The following MAP1A variants were observed in gnomAD, a reference collection of about 807,000 sequenced individuals.
The protein encoded by MAP1A is microtubule associated protein 1A, also known as microtubule-associated protein 1A.
In MAP1A, 42 loss-of-function variants were observed where a neutral mutation model predicts 185.9. That is an observed-to-expected ratio of 0.23 (90% CI 0.18 to 0.29). The LOEUF (loss-of-function observed/expected upper bound fraction) is 0.29, where lower values mean the gene tolerates loss of function less well. Among genes scored for constraint, MAP1A ranks in the 10% least tolerant of loss-of-function variants. The pLI, the probability that MAP1A is intolerant of heterozygous loss-of-function variation, is 1.00. For synonymous variants in MAP1A, 1,229 were observed against 1,335.9 expected (o/e 0.92, Z 1.74); for missense variants, 2,995 against 3,450.4 (o/e 0.87, Z 3.31).
rs989900287 is a variant in MAP1A, at chr15:43,523,799, C to T, written c.2326C>T (p.Pro776Ser). 3.1e-6 allele frequency: 5 copies of T among 1,613,954 alleles called. No individual in the cohort carries two copies. In the Admixed American group the frequency reaches 5.0e-5, roughly 16 times the overall value. The stretch of plus-strand genomic sequence containing the variant: ...ATTTCATACAAGTACATATGACCTG[C>T]CCGGGCCTGAAGGTGCTGGCCCATT... ...PRFHTSTYDL[P>S]GPEGAGPFEA... The change falls in exon 4 of 6, where the codon CCC becomes TCC. Residue 776 changes from proline to serine, a missense_variant. Coordinates refer to ENST00000300231, the MANE Select transcript of MAP1A (RefSeq NM_002373.6).
At position 43,523,235 on chromosome 15, in the gene MAP1A, CAT is replaced by C; in HGVS notation, c.1763_1764del (p.His588ArgfsTer13). ...PSVPGLGQEE[H>X]VMKEKELVPE... is the part of the protein sequence containing the mutation. ...TGTTCCAGGGCTGGGACAAGAAGAA[CAT>C]GTGATGAAGGAGAAAGAGCTTGTCC... On this transcript the variant is annotated frameshift_variant, in exon 4 of 6. Transcript: ENST00000300231. LOFTEE classifies it high-confidence loss of function. The C allele has an allele frequency of 6.2e-7, 1 of 1,614,086 alleles. No homozygotes were observed. The highest frequency in any genetic ancestry group is 1.3e-5 in the African/African-American group (1 of 75,012).
At chr15:43,520,544 T>A in intron 1 of MAP1A, 97 bp from the exon 2 acceptor site, 1 of 826,002 alleles carries the variant, frequency 1.2e-6, no homozygotes, top group South Asian at 1.5e-5. Context: ...ACCTTCTCTT[T>A]CGTCTAAGCC....
At position 43,528,941 on chromosome 15, in the gene MAP1A, G is replaced by A; in HGVS notation, c.7468G>A (p.Gly2490Ser). ...GGTAGGGGGGCCAGGGACCACTGGGGGCCCATGCCCTGTGACTGATGAGAC... is the reference window on the plus strand; with the variant it reads ...GGTAGGGGGGCCAGGGACCACTGGGAGCCCATGCCCTGTGACTGATGAGAC... ...RRVGGPGTTG[G>S]PCPVTDETPP... Residue 2490 changes from glycine (G) to serine (S), a missense_variant, in exon 4 of 6, where the codon GGC becomes AGC. Physicochemically the swap from Gly to Ser is moderately conservative, Grantham distance 56. This residue lies in a region of MAP1A where 2,728 missense variants were observed against 2,986.0 expected (regional missense o/e 0.91). Transcript: ENST00000300231. 1 of 1,613,092 alleles carries A rather than the reference G, an allele frequency of 6.2e-7. No homozygotes were observed. The highest frequency in any genetic ancestry group is 8.5e-7 in the Non-Finnish European group (1 of 1,179,976).
At position 43,526,534 on chromosome 15, in the gene MAP1A, G is replaced by C. The variant is rs202012478; in HGVS notation, c.5061G>C (p.Glu1687Asp). Reference sequence around the variant, plus strand: ...ACAATAGGTATTGGAGGGGCAGAGAGGATGTGGCCTTGGAACAGGACACAT... The same window carrying C: ...ACAATAGGTATTGGAGGGGCAGAGACGATGTGGCCTTGGAACAGGACACAT... Reference protein sequence around the residue: ...EQDNRYWRGREDVALEQDTYW... With the variant: ...EQDNRYWRGRDDVALEQDTYW... The change falls in exon 4 of 6, where the codon GAG becomes GAC. Residue 1687 changes from glutamate (E) to aspartate (D), a missense_variant. By Grantham distance (45) the Glu-to-Asp change is conservative. Coordinates refer to ENST00000300231, the MANE Select transcript of MAP1A (RefSeq NM_002373.6). The surrounding 1 kb of genome is among the most constrained non-coding windows in gnomAD (Gnocchi z 4.7). The C allele has an allele frequency of 9.4e-5, 151 of 1,614,196 alleles. 1 individual carries two copies. In the East Asian group the frequency reaches 2.7e-3, roughly 29 times the overall value.
At position 43,523,464 on chromosome 15, in the gene MAP1A, T is replaced by A. The variant is rs1300984699; in HGVS notation, c.1991T>A (p.Val664Glu). 6.2e-7 allele frequency: 1 copy of A among 1,613,630 alleles called. No homozygotes were observed. The highest frequency in any genetic ancestry group is 8.5e-7 in the Non-Finnish European group (1 of 1,179,888). ...EKAELEEMEEVHPSDEEEEDA... is the reference protein window; with the variant it reads ...EKAELEEMEEEHPSDEEEEDA... The stretch of plus-strand genomic sequence containing the variant: ...GCTGAGTTAGAAGAAATGGAGGAGG[T>A]ACACCCTTCAGATGAGGAGGAAGAG... The change falls in exon 4 of 6, where the codon GTA becomes GAA. Residue 664 changes from valine (V) to glutamate (E), a missense_variant. Val to Glu is a moderately radical substitution (Grantham distance 121). Around this residue, in one of 3 missense-constraint regions of MAP1A, gnomAD observed 2,728 missense variants for 2,986.0 expected, o/e 0.91. Transcript: ENST00000300231.
At chr15:43,515,603 C>G (rs2079294371), upstream of MAP1A, among the ~76,000 whole-genome samples, 1 of 152,128 alleles carries the variant, frequency 6.6e-6, no homozygotes, top group Non-Finnish European at 1.5e-5. Context: ...ATTTGGAAGT[C>G]TAGGAATGAA....
Position 43,523,436 on chromosome 15 carries a change from A to G in MAP1A, c.1963A>G (p.Lys655Glu). 6.2e-7 allele frequency: 1 copy of G among 1,613,792 alleles called. No homozygotes were observed. The highest frequency in any genetic ancestry group is 1.1e-5 in the South Asian group (1 of 91,022). ...EPEVKEDVIE[K>E]AELEEMEEVH... is the part of the protein sequence containing the mutation. The stretch of plus-strand genomic sequence containing the variant: ...TGAAGTAAAGGAGGATGTGATAGAA[A>G]AGGCTGAGTTAGAAGAAATGGAGGA... The change falls in exon 4 of 6, where the codon AAG becomes GAG. Residue 655 changes from lysine to glutamate, a missense_variant. By Grantham distance (56) the Lys-to-Glu change is moderately conservative. Around this residue, in one of 3 missense-constraint regions of MAP1A, gnomAD observed 2,728 missense variants for 2,986.0 expected, o/e 0.91. Transcript: ENST00000300231.
At chr15:43,514,843 ACT>A (rs2079292565), upstream of MAP1A, among the ~76,000 whole-genome samples, 1 of 152,162 alleles carries the variant, frequency 6.6e-6, no homozygotes, top group South Asian at 2.1e-4. Flanking sequence ...AGTTTCAATA[ACT>A]CTCTGATTCT....
Position 43,521,021 on chromosome 15 carries a change from G to A in MAP1A, c.-242G>A, listed in dbSNP as rs868550487. On this transcript the variant is annotated 5_prime_UTR_variant, in exon 3 of 6. In the 5' UTR this introduces an upstream ATG that the reference lacks. Coordinates refer to ENST00000300231, the MANE Select transcript of MAP1A (RefSeq NM_002373.6). The surrounding 1 kb of genome is among the most constrained non-coding windows in gnomAD (Gnocchi z 4.6). ...TCAGCTTATAAACTACTAATCTTGA[G>A]TGGGCAAAGTTTAGAGCCTGGGGGA... 6.5e-7 allele frequency: 1 copy of A among 1,550,076 alleles called. No homozygotes were observed. Among genetic ancestry groups the A allele is most frequent in the South Asian group, 1.2e-5 (1 of 84,044 alleles).
intron 1 of MAP1A, chr15:43,511,321 C>A: frequency 1.1e-6 from 1 of 948,410 alleles, no homozygotes; most frequent in Non-Finnish European, 1.6e-6. Flanking sequence ...GCATCTCCAT[C>A]CCTAGTGTGC....
intron 2 of MAP1A, chr15:43,512,379 T>A (rs1411757384): frequency 9.7e-6 from 9 of 929,598 alleles, no homozygotes; most frequent in Admixed American, 8.3e-5. Context: ...TTGCGGGAGG[T>A]TTGAGTGGAG....
chr15:43,524,793 A>G lies in MAP1A; in HGVS notation c.3320A>G (p.Glu1107Gly). The G allele has an allele frequency of 6.2e-7, 1 of 1,614,172 alleles. No individual in the cohort carries two copies. Among genetic ancestry groups the G allele is most frequent in the South Asian group, 1.1e-5 (1 of 91,082 alleles). Residue 1107 changes from glutamate (E) to glycine (G), a missense_variant, in exon 4 of 6, where the codon GAG (glutamate) becomes GGG (glycine). Physicochemically the swap from Glu to Gly is moderately conservative, Grantham distance 98. This residue lies in a region of MAP1A where 2,728 missense variants were observed against 2,986.0 expected (regional missense o/e 0.91). Transcript: ENST00000300231. ...AIVFEIMEAG[E>G]PTGPILGAEA... Reference sequence around the variant, plus strand: ...GTCTTTGAGATTATGGAGGCAGGAGAGCCCACAGGCCCAATTCTGGGAGCA... The same window carrying G: ...GTCTTTGAGATTATGGAGGCAGGAGGGCCCACAGGCCCAATTCTGGGAGCA...
At chr15:43,518,292 C>T in intron 1 of MAP1A, among the ~76,000 whole-genome samples, 1 of 152,066 alleles carries the variant, frequency 6.6e-6, no homozygotes, top group East Asian at 1.9e-4. Context: ...CTGCGGCTAG[C>T]TTTAGAATGG....
Position 43,511,064 on chromosome 15 carries a change from C to T in MAP1A, c.76C>T (p.Pro26Ser), listed in dbSNP as rs574402433. The stretch of plus-strand genomic sequence containing the variant: ...AACTCCGGGGCTGGGGCTCCGAAGT[C>T]CCGGCGCACCGCTGGCTCAGAACCC... The change falls in exon 1 of 7, where the codon CCC becomes TCC. Residue 26 changes from proline (P) to serine (S), a missense_variant. Transcript: ENST00000382031. The T allele has an allele frequency of 7.0e-5, 109 of 1,549,458 alleles. No homozygotes were observed. The African/African-American group carries it at 8.5e-4, about 12-fold the overall frequency.
At chr15:43,517,856 G>A (rs1419119419) in intron 1 of MAP1A, among the ~76,000 whole-genome samples, 156 bp downstream of exon 1, 4 of 152,156 alleles carry the variant, frequency 2.6e-5, no homozygotes, top group Non-Finnish European at 2.9e-5. Flanking sequence ...GAAGATGAAC[G>A]TTACTGGCTG....
In MAP1A at chr15:43,528,743, A is replaced by C; in HGVS notation, c.7270A>C (p.Ser2424Arg). 1 of 1,613,352 alleles carries C rather than the reference A, an allele frequency of 6.2e-7. No individual in the cohort carries two copies. Among genetic ancestry groups the C allele is most frequent in the Non-Finnish European group, 8.5e-7 (1 of 1,179,666 alleles). ...CPAGGSGGPP[S>R]SASPEVEAGP... Reference sequence around the variant, plus strand: ...TGCAGGGGGCTCCGGGGGCCCACCCAGCAGTGCCTCTCCTGAGGTCGAAGC... The same window carrying C: ...TGCAGGGGGCTCCGGGGGCCCACCCCGCAGTGCCTCTCCTGAGGTCGAAGC... The change falls in exon 4 of 6, where the codon AGC becomes CGC. Residue 2424 changes from serine to arginine, a missense_variant. Around this residue, in one of 3 missense-constraint regions of MAP1A, gnomAD observed 2,728 missense variants for 2,986.0 expected, o/e 0.91. Transcript: ENST00000300231.
Position 43,524,543 on chromosome 15 carries a change from T to C in MAP1A, c.3070T>C (p.Phe1024Leu), listed in dbSNP as rs778863678. ...PVEEKSEPQDFQEADSWGDTK... is the reference protein window; with the variant it reads ...PVEEKSEPQDLQEADSWGDTK... ...GGAAGAAAAGTCTGAGCCCCAAGACTTTCAGGAGGCAGACTCCTGGGGAGA... is the reference window on the plus strand; with the variant it reads ...GGAAGAAAAGTCTGAGCCCCAAGACCTTCAGGAGGCAGACTCCTGGGGAGA... The change falls in exon 4 of 6, where the codon TTT becomes CTT. Residue 1024 changes from phenylalanine (F) to leucine (L), a missense_variant. Coordinates refer to ENST00000300231, the MANE Select transcript of MAP1A (RefSeq NM_002373.6). 6.2e-7 allele frequency: 1 copy of C among 1,614,078 alleles called. No individual in the cohort carries two copies. Among genetic ancestry groups the C allele is most frequent in the Non-Finnish European group, 8.5e-7 (1 of 1,180,002 alleles).
chr15:43,518,952 G>A (rs1403437497), intron 1 of MAP1A, among the ~76,000 whole-genome samples: 1 of 152,140 alleles, frequency 6.6e-6, no homozygotes, highest in Admixed American at 6.5e-5. Flanking sequence ...ACAGGAACTG[G>A]GATCATAGAA....
In MAP1A at chr15:43,521,890, G is replaced by A. The variant is rs569332527; in HGVS notation, c.417G>A (p.Val139=). ...SPELGVVFFN[V]PEKLRLPDAS... The stretch of plus-strand genomic sequence containing the variant: ...AGCTTGGAGTTGTCTTTTTCAACGT[G>A]CCTGAGAAGCTGCGGCTTCCTGATG... Residue 139 remains valine (V), a synonymous_variant, in exon 4 of 6, where the codon GTG becomes GTA. Transcript: ENST00000300231. This position sits in a 1 kb window ranked among gnomAD's most constrained non-coding sequence, Gnocchi z 4.6. The A allele has an allele frequency of 6.2e-7, 1 of 1,614,036 alleles. No homozygotes were observed. Among genetic ancestry groups the A allele is most frequent in the Admixed American group, 1.7e-5 (1 of 60,002 alleles).
Sources: allele counts gnomAD v4.1 joint callset (sites outside exome capture counted in the v4.1 genomes callset), GRCh38; gene constraint gnomAD v4.1.1; regional missense constraint gnomAD v4.1.1; non-coding constraint Gnocchi (gnomAD v3.1); transcripts MANE v1.5; gene names NCBI Gene and HGNC (gene_info 2026-07-23, HGNC 2026-07-21).